FGD4: variants seen among roughly 807,000 people sequenced by gnomAD.
The protein encoded by FGD4 is FYVE, RhoGEF and PH domain containing 4.
Under a neutral mutation model 102.0 loss-of-function variants are expected in FGD4, and 42 were observed. That is an observed-to-expected ratio of 0.41 (90% CI 0.32 to 0.53). The LOEUF (loss-of-function observed/expected upper bound fraction) is 0.53, where lower values mean the gene tolerates loss of function less well. Among genes scored for constraint, FGD4 ranks in the 20% least tolerant of loss-of-function variants. FGD4 has a pLI of 0.21. For synonymous variants in FGD4, 380 were observed against 375.7 expected, an observed-to-expected ratio of 1.01 and a Z score of -0.13; for missense variants, 902 against 1,078.2, an observed-to-expected ratio of 0.84 and a Z score of 2.29.
chr12:32,640,639 C>T lies in FGD4; in HGVS notation c.*106C>T, dbSNP rs1951116594. The T allele has an allele frequency of 6.8e-7, 1 of 1,459,920 alleles. No individual in the cohort carries two copies. Among genetic ancestry groups the T allele is most frequent in the African/African-American group, 1.4e-5 (1 of 71,554 alleles). 90.4% of individuals were successfully genotyped at this position (1,459,920 alleles called of 1,614,324 possible). On this transcript the variant is annotated 3_prime_UTR_variant, in exon 17 of 17. Coordinates refer to ENST00000534526, the MANE Select transcript of FGD4 (RefSeq NM_001370298.3). Reference sequence around the variant, plus strand: ...AGCACTTTATGTTGAAAAATATAGGCCCATAAATGCATCTTTTGAGGACTA... The same window carrying T: ...AGCACTTTATGTTGAAAAATATAGGTCCATAAATGCATCTTTTGAGGACTA...
chr12:32,483,875 T>C (rs1457293005), intron 1 of FGD4, among the ~76,000 whole-genome samples: 1 of 152,158 alleles, frequency 6.6e-6, no homozygotes, highest in African/African-American at 2.4e-5. Context: ...CACCACAGTA[T>C]ATGAACATAC....
chr12:32,602,193 A>T lies in FGD4; in HGVS notation c.1280A>T (p.Gln427Leu). Residue 427 changes from glutamine (Q) to leucine (L), a missense_variant, in exon 7 of 17, where the codon CAG (glutamine) becomes CTG (leucine). Gln to Leu is a moderately radical substitution (Grantham distance 113, BLOSUM62 -2). This residue lies in a region of FGD4 where 459 missense variants were observed against 619.0 expected (regional missense o/e 0.74). Transcript: ENST00000534526. ...ETTPRIGDIL[Q>L]KLAPFLKMYG... Reference sequence around the variant, plus strand: ...ACTCCTAGAATTGGAGACATCCTTCAGAAATTGGCACCATTCCTTAAGATG... The same window carrying T: ...ACTCCTAGAATTGGAGACATCCTTCTGAAATTGGCACCATTCCTTAAGATG... 1 of 1,614,146 alleles carries T rather than the reference A, an allele frequency of 6.2e-7. No individual in the cohort carries two copies. Among genetic ancestry groups the T allele is most frequent in the South Asian group, 1.1e-5 (1 of 91,086 alleles).
At chr12:32,477,632 C>T (rs1017602723) in intron 1 of FGD4, among the ~76,000 whole-genome samples, 6 of 152,078 alleles carry the variant, frequency 3.9e-5, no homozygotes, top group African/African-American at 1.2e-4. Context: ...TACCAGTGAA[C>T]GGTGTATTTT....
chr12:32,548,971 C>T (rs949484333), intron 1 of FGD4, among the ~76,000 whole-genome samples: 1 of 152,182 alleles, frequency 6.6e-6, no homozygotes, highest in Non-Finnish European at 1.5e-5. Flanking sequence ...ACAGCCAAAA[C>T]GTAGCTGTCA....
At position 32,474,386 on chromosome 12, in the gene FGD4, G is replaced by T. The variant is rs149100976; in HGVS notation, c.166+74427G>T. Among the ~76,000 whole-genome samples the T allele has an allele frequency of 1.2e-3, 178 of 152,296 alleles. 1 individual carries two copies. Among genetic ancestry groups the T allele is most frequent in the African/African-American group, 4.0e-3 (167 of 41,556 alleles). On this transcript the variant is annotated intron_variant, in intron 1 of 16. Transcript: ENST00000534526. ...TGAATAGGTAAATAAAAAGTGATAT[G>T]CCTGTATACTGGCATTCTTTTGGCT... is the stretch of plus-strand genomic sequence containing the variant.
intron 1 of FGD4, among the ~76,000 whole-genome samples, chr12:32,429,968 C>CAA (rs368360643): frequency 7.9e-6 from 1 of 126,008 alleles, no homozygotes. Context: ...TTAATGAGGC[C>CAA]AAAAAAAAAA....
chr12:32,415,206 C>T (rs1941357825), intron 1 of FGD4, among the ~76,000 whole-genome samples: 2 of 152,052 alleles, frequency 1.3e-5, no homozygotes, highest in Non-Finnish European at 2.9e-5. Flanking sequence ...CCTAACATGT[C>T]ATCTGTCCTT....
chr12:32,579,342 C>T (rs1461832950), intron 3 of FGD4, among the ~76,000 whole-genome samples: 1 of 152,136 alleles, frequency 6.6e-6, no homozygotes, highest in East Asian at 1.9e-4. Context: ...CCGTGCCCGG[C>T]CGGAACATTG....
chr12:32,620,524 T>TTTCTTTC (rs1565915749), intron 11 of FGD4, among the ~76,000 whole-genome samples: 14 of 42,548 alleles, frequency 3.3e-4, no homozygotes, highest in African/African-American at 1.5e-3. Context: ...TTCTTTCTTT[T>TTTCTTTC]TTTTTTTTTT....
intron 1 of FGD4, among the ~76,000 whole-genome samples, chr12:32,431,923 G>A (rs1942059059): frequency 6.6e-6 from 1 of 151,952 alleles, no homozygotes; most frequent in African/African-American, 2.4e-5. Flanking sequence ...AACCTTTTAA[G>A]TTTTAAAAAG....
intron 1 of FGD4, among the ~76,000 whole-genome samples, chr12:32,469,254 A>T (rs1287749753): frequency 6.6e-6 from 1 of 152,094 alleles, no homozygotes; most frequent in Non-Finnish European, 1.5e-5. Context: ...TTCCACAGAA[A>T]TCTTTTAAAA....
In FGD4 at chr12:32,476,091, T is replaced by C. The variant is rs574800520; in HGVS notation, c.166+76132T>C. Among the ~76,000 whole-genome samples the C allele has an allele frequency of 1.5e-3, 227 of 152,304 alleles. 1 individual carries two copies. Among genetic ancestry groups the C allele is most frequent in the Admixed American group, 2.2e-3 (33 of 15,304 alleles). On this transcript the variant is annotated intron_variant, in intron 1 of 16. Coordinates refer to ENST00000534526, the MANE Select transcript of FGD4 (RefSeq NM_001370298.3). ...TAGGTACCCTTTCTGTTCTCCATGTTACTGTATGAAACGGGTCTGCTGCTT... is the reference window on the plus strand; with the variant it reads ...TAGGTACCCTTTCTGTTCTCCATGTCACTGTATGAAACGGGTCTGCTGCTT...
chr12:32,427,567 G>GTCT (rs1941887251), intron 1 of FGD4, among the ~76,000 whole-genome samples: 1 of 152,256 alleles, frequency 6.6e-6, no homozygotes, highest in South Asian at 2.1e-4. Flanking sequence ...GAGTTCTGTA[G>GTCT]ATGTCTATTA....
chr12:32,550,467 C>T (rs949852370), intron 1 of FGD4, among the ~76,000 whole-genome samples: 3 of 151,862 alleles, frequency 2.0e-5, no homozygotes, highest in African/African-American at 4.8e-5. Context: ...CCCAAGAGTT[C>T]GAGACCAGCC....
At position 32,597,138 on chromosome 12, in the gene FGD4, T is replaced by G. The variant is rs1201240090; in HGVS notation, c.1012-1359T>G. Reference sequence around the variant, plus strand: ...TTAGTATTTATAAGGATTAATTCATTCTTGACAATGCTTTATAAATGTGGA... The same window carrying G: ...TTAGTATTTATAAGGATTAATTCATGCTTGACAATGCTTTATAAATGTGGA... On this transcript the variant is annotated intron_variant, in intron 4 of 16. Coordinates refer to ENST00000534526, the MANE Select transcript of FGD4 (RefSeq NM_001370298.3). Among the ~76,000 whole-genome samples, 6 of 152,202 alleles carry G rather than the reference T, an allele frequency of 3.9e-5. 1 individual carries two copies. Among genetic ancestry groups the G allele is most frequent in the Admixed American group, 2.0e-4 (3 of 15,278 alleles).
At chr12:32,635,080 AAAG>A (rs1281399519) in intron 15 of FGD4, among the ~76,000 whole-genome samples, 1 of 152,232 alleles carries the variant, frequency 6.6e-6, no homozygotes, top group East Asian at 1.9e-4. Flanking sequence ...ACAAGTGTAC[AAAG>A]GTCACTTCTG....
In FGD4 at chr12:32,625,018, AC is replaced by A; in HGVS notation, c.1998del (p.Phe667SerfsTer20). ...TIDAFHQRHE[T>X]FRNAIAKDND... ...CGATGCTTTTCATCAAAGGCATGAAACCTTCAGAAATGCAATTGCAAAGGAT... is the reference window on the plus strand; with the variant it reads ...CGATGCTTTTCATCAAAGGCATGAAACTTCAGAAATGCAATTGCAAAGGAT... On this transcript the variant is annotated frameshift_variant, in exon 13 of 17. Transcript: ENST00000534526. LOFTEE classifies it high-confidence loss of function. 6.2e-7 allele frequency: 1 copy of A among 1,613,554 alleles called. No individual in the cohort carries two copies. Among genetic ancestry groups the A allele is most frequent in the Non-Finnish European group, 8.5e-7 (1 of 1,179,656 alleles).
intron 4 of FGD4, among the ~76,000 whole-genome samples, chr12:32,594,322 C>G (rs557242115): frequency 6.6e-6 from 1 of 152,080 alleles, no homozygotes; most frequent in South Asian, 2.1e-4. Context: ...ACTGCACATG[C>G]GAGGGATCTA....
At chr12:32,446,921 G>A (rs899467870) in intron 1 of FGD4, among the ~76,000 whole-genome samples, 1 of 152,170 alleles carries the variant, frequency 6.6e-6, no homozygotes, top group Non-Finnish European at 1.5e-5. Context: ...CATGCATCCT[G>A]CCCAGAGCCG....
Sources: allele counts gnomAD v4.1 joint callset (sites outside exome capture counted in the v4.1 genomes callset), GRCh38; gene constraint gnomAD v4.1.1; regional missense constraint gnomAD v4.1.1; transcripts MANE v1.5; gene names NCBI Gene and HGNC (gene_info 2026-07-23, HGNC 2026-07-21).